The following PTPRT variants were observed in gnomAD, a reference collection of about 807,000 sequenced individuals.
PTPRT encodes the protein receptor-type tyrosine-protein phosphatase T.
Under a neutral mutation model 176.8 loss-of-function variants are expected in PTPRT, and 56 were observed. The observed-to-expected ratio is 0.32, with a 90% CI of 0.26 to 0.40. The LOEUF is 0.40. PTPRT is among the 10% of genes least tolerant of loss of function. The pLI is 1.00. For synonymous variants in PTPRT, 783 were observed against 739.0 expected (o/e 1.06, Z -0.96); for missense variants, 1,540 against 1,908.2 (o/e 0.81, Z 3.60).
intron 9 of PTPRT, among the ~76,000 whole-genome samples, chr20:42,360,976 C>G (rs1190946244): frequency 3.3e-5 from 5 of 152,192 alleles, no homozygotes; most frequent in Non-Finnish European, 5.9e-5. Context: ...GTAACAAATC[C>G]TCAATGTGGT....
chr20:42,622,697 A>G (rs938295690), intron 7 of PTPRT, among the ~76,000 whole-genome samples: 1 of 152,144 alleles, frequency 6.6e-6, no homozygotes, highest in Non-Finnish European at 1.5e-5. Context: ...TCGAAATAAA[A>G]AACAAGATTA....
chr20:42,986,656 C>G (rs1983595411), intron 1 of PTPRT, among the ~76,000 whole-genome samples: 1 of 152,172 alleles, frequency 6.6e-6, no homozygotes, highest in African/African-American at 2.4e-5. Flanking sequence ...GATAGTCATC[C>G]ATTCTTCCAT....
chr20:43,170,569 C>T (rs1189265370), intron 1 of PTPRT, among the ~76,000 whole-genome samples: 1 of 152,162 alleles, frequency 6.6e-6, no homozygotes. Flanking sequence ...ACGACACATG[C>T]GTGAGTTAAC....
intron 2 of PTPRT, among the ~76,000 whole-genome samples, chr20:42,825,761 G>A (rs1401760113): frequency 6.6e-6 from 1 of 152,136 alleles, no homozygotes; most frequent in Non-Finnish European, 1.5e-5. Context: ...ATTGAGAGAT[G>A]CAAACATTTT....
intron 6 of PTPRT, among the ~76,000 whole-genome samples, chr20:42,717,021 C>T (rs2076234366): frequency 6.7e-6 from 1 of 149,624 alleles, no homozygotes; most frequent in South Asian, 2.2e-4. Context: ...GAACATCACA[C>T]ACCAGGGCCT....
In PTPRT at chr20:42,644,156, G is replaced by T. The variant is rs191940015; in HGVS notation, c.1153+33710C>A. On this transcript the variant is annotated intron_variant, in intron 7 of 30. Transcript: ENST00000373187. ...CAATCTGCAACTGAGCCTTCAACAG[G>T]CTGTGCAGGTTTACAGCCCTGTTCT... is the stretch of plus-strand genomic sequence containing the variant. Among the ~76,000 whole-genome samples the T allele has an allele frequency of 2.2e-3, 329 of 152,170 alleles. 1 individual carries two copies. Among genetic ancestry groups the T allele is most frequent in the Non-Finnish European group, 3.3e-3 (222 of 68,008 alleles).
At chr20:42,678,264 AAAAT>A (rs2075543472) in intron 6 of PTPRT, 105 bp from the exon 7 acceptor site, 2 of 1,101,476 alleles carry the variant, frequency 1.8e-6, no homozygotes, top group Admixed American at 5.9e-5. Flanking sequence ...AGCCACAAAA[AAAAT>A]AGTCAGAAAC....
chr20:42,463,055 T>C (rs1419445214), intron 8 of PTPRT, among the ~76,000 whole-genome samples: 1 of 152,144 alleles, frequency 6.6e-6, no homozygotes, highest in East Asian at 1.9e-4. Context: ...CATCGCATCT[T>C]TAAGCAGCAA....
chr20:43,127,020 G>A (rs2013465268), intron 1 of PTPRT, among the ~76,000 whole-genome samples: 2 of 152,164 alleles, frequency 1.3e-5, no homozygotes, highest in African/African-American at 2.4e-5. Flanking sequence ...CACAGGAAAT[G>A]GAAATAAGGC....
chr20:42,907,233 A>G (rs2079490032), intron 1 of PTPRT, among the ~76,000 whole-genome samples: 1 of 152,236 alleles, frequency 6.6e-6, no homozygotes, highest in African/African-American at 2.4e-5. Flanking sequence ...CCTAAATAGG[A>G]GACAAAGAGA....
At chr20:42,306,591 A>C (rs2057547211) in intron 12 of PTPRT, among the ~76,000 whole-genome samples, 1 of 152,170 alleles carries the variant, frequency 6.6e-6, no homozygotes, top group Non-Finnish European at 1.5e-5. Flanking sequence ...AAAATCCAGG[A>C]ATCGATTCCT....
At chr20:42,908,417 C>T (rs1481868579) in intron 1 of PTPRT, among the ~76,000 whole-genome samples, 1 of 152,170 alleles carries the variant, frequency 6.6e-6, no homozygotes, top group African/African-American at 2.4e-5. Flanking sequence ...AAATTCCTAA[C>T]AACCAGCAAA....
At chr20:42,540,052 C>T (rs951246301) in intron 7 of PTPRT, among the ~76,000 whole-genome samples, 1 of 152,108 alleles carries the variant, frequency 6.6e-6, no homozygotes, top group African/African-American at 2.4e-5. Flanking sequence ...AACAGCCCAC[C>T]ATGTGCTCAA....
chr20:43,126,695 A>G (rs1025033546), intron 1 of PTPRT, among the ~76,000 whole-genome samples: 2 of 152,212 alleles, frequency 1.3e-5, no homozygotes, highest in Admixed American at 6.5e-5. Flanking sequence ...TGAAAAATAA[A>G]ATTTTGTTCT....
intron 2 of PTPRT, among the ~76,000 whole-genome samples, chr20:42,804,080 T>G (rs189384799): frequency 6.6e-6 from 1 of 152,272 alleles, no homozygotes; most frequent in Non-Finnish European, 1.5e-5. Context: ...CCAGACCCTC[T>G]GAGTCCTTGA....
At chr20:42,198,017 C>T (rs1991301245) in intron 16 of PTPRT, among the ~76,000 whole-genome samples, 1 of 152,138 alleles carries the variant, frequency 6.6e-6, no homozygotes, top group African/African-American at 2.4e-5. Flanking sequence ...AGTTGGGCCC[C>T]ACCTCTCATC....
At chr20:43,069,824 G>T (rs1191920759) in intron 1 of PTPRT, among the ~76,000 whole-genome samples, 1 of 152,148 alleles carries the variant, frequency 6.6e-6, no homozygotes, top group African/African-American at 2.4e-5. Flanking sequence ...CTTGCATAGT[G>T]GTTACTCCAG....
chr20:42,046,918 G>A, the PTPRT span, among the ~76,000 whole-genome samples: 2 of 152,054 alleles, frequency 1.3e-5, no homozygotes, highest in Non-Finnish European at 2.9e-5. Context: ...CATGTCTTTG[G>A]GGGCTGCCAT....
At chr20:43,047,666 C>T (rs1780862658) in intron 1 of PTPRT, among the ~76,000 whole-genome samples, 1 of 150,906 alleles carries the variant, frequency 6.6e-6, no homozygotes, top group South Asian at 2.1e-4. Context: ...TTTCCAGGAC[C>T]TAGTCATGCT....
Sources: gnomAD v4.1 joint callset for allele counts (sites outside exome capture counted in the v4.1 genomes callset) on GRCh38, gnomAD v4.1.1 for gene constraint, MANE v1.5 for transcripts, NCBI Gene and HGNC (gene_info 2026-07-23, HGNC 2026-07-21) for gene names.